The following PHF21A variants were observed in gnomAD, a reference collection of about 807,000 sequenced individuals.
The protein encoded by PHF21A is PHD finger protein 21A.
In PHF21A, 11 loss-of-function variants were observed where a neutral mutation model predicts 82.5. The ratio of observed to expected loss-of-function variants is 0.13; its 90% CI spans 0.08 to 0.22. The LOEUF (loss-of-function observed/expected upper bound fraction) is 0.22, where lower values mean the gene tolerates loss of function less well. PHF21A is among the 10% of genes least tolerant of loss of function. The pLI, the probability that PHF21A is intolerant of heterozygous loss-of-function variation, is 1.00. For synonymous variants in PHF21A, 297 were observed against 302.8 expected (o/e 0.98, Z 0.20); for missense variants, 579 against 837.8 (o/e 0.69, Z 3.81).
rs76273909 is a variant in PHF21A at position 45,973,776 on chromosome 11, A to G, written c.361-2409T>C. ...GATTTAAAGAACTTCTGAAGTGGTG[A>G]TCCAGTCACACCAGATGGCGTTCAA... On this transcript the variant is annotated intron_variant, in intron 7 of 18. Coordinates refer to ENST00000676320, the MANE Select transcript of PHF21A (RefSeq NM_001352027.3). Among the ~76,000 whole-genome samples, 12 of 152,316 alleles carry G rather than the reference A, an allele frequency of 7.9e-5. No individual in the cohort carries two copies. The East Asian group carries it at 2.1e-3, about 27-fold the overall frequency.
intron 10 of PHF21A, among the ~76,000 whole-genome samples, chr11:45,954,338 G>A (rs1448328396): frequency 6.6e-6 from 1 of 152,098 alleles, no homozygotes; most frequent in African/African-American, 2.4e-5. Context: ...CTCACAACCT[G>A]CTTAAGATCA....
intron 6 of PHF21A, among the ~76,000 whole-genome samples, chr11:45,996,071 G>A (rs1020847438): frequency 1.3e-5 from 2 of 152,014 alleles, no homozygotes; most frequent in Non-Finnish European, 2.9e-5. Context: ...AGTCTCCCAA[G>A]TAGCTAGAGC....
intron 14 of PHF21A, among the ~76,000 whole-genome samples, chr11:45,946,322 T>C (rs2091284619): frequency 6.6e-6 from 1 of 152,206 alleles, no homozygotes; most frequent in South Asian, 2.1e-4. Flanking sequence ...CAATTTGAGA[T>C]TTCTAGTGCA....
intron 18 of PHF21A, chr11:45,935,314 C>A (rs2088643521): frequency 1.6e-6 from 2 of 1,214,548 alleles, no homozygotes; most frequent in Admixed American, 4.5e-5. Context: ...CTACACTCCC[C>A]CCACACACTG....
chr11:46,068,681 C>T (rs2096622541), intron 6 of PHF21A, among the ~76,000 whole-genome samples: 2 of 151,980 alleles, frequency 1.3e-5, no homozygotes, highest in African/African-American at 4.8e-5. Flanking sequence ...AAAAAAAATA[C>T]AGTAGATTCC....
intron 6 of PHF21A, among the ~76,000 whole-genome samples, chr11:46,072,535 A>G (rs926824924): frequency 3.9e-5 from 6 of 152,172 alleles, no homozygotes; most frequent in Non-Finnish European, 8.8e-5. Flanking sequence ...GACCTATAGA[A>G]CTTTTAGATG....
chr11:45,958,420 ATAT>A (rs1466581686), intron 10 of PHF21A, among the ~76,000 whole-genome samples: 2 of 15,006 alleles, frequency 1.3e-4, no homozygotes, highest in African/African-American at 1.5e-4. Flanking sequence ...AAAAAAAAAA[ATAT>A]ATATATATAT....
chr11:45,939,345 A>C lies in PHF21A; in HGVS notation c.1453-1033T>G, dbSNP rs141932535. On this transcript the variant is annotated intron_variant, in intron 15 of 18. Coordinates refer to ENST00000676320, the MANE Select transcript of PHF21A (RefSeq NM_001352027.3). ...CTATCAATTCTAGGGGGAGTTTAGA[A>C]GGACTGGGAAAGAAGACAGACAAAT... is the stretch of plus-strand genomic sequence containing the variant. 2.0e-5 allele frequency among the ~76,000 whole-genome samples: 3 copies of C among 152,340 alleles called. No individual in the cohort carries two copies. In the East Asian group the frequency reaches 5.8e-4, roughly 29 times the overall value.
chr11:45,937,474 T>C (rs34359468), intron 16 of PHF21A, among the ~76,000 whole-genome samples: 1 of 152,104 alleles, frequency 6.6e-6, no homozygotes, highest in African/African-American at 2.4e-5. Flanking sequence ...ATGGGTGTTG[T>C]TTTATTATTA....
At chr11:46,074,523 G>C (rs541838731) in intron 6 of PHF21A, among the ~76,000 whole-genome samples, 1 of 152,034 alleles carries the variant, frequency 6.6e-6, no homozygotes, top group East Asian at 1.9e-4. Flanking sequence ...ATTTTTTTGA[G>C]ATGGAGTCTT....
intron 6 of PHF21A, among the ~76,000 whole-genome samples, chr11:46,076,367 C>T (rs982867462): frequency 1.3e-5 from 2 of 152,170 alleles, no homozygotes; most frequent in Non-Finnish European, 2.9e-5. Flanking sequence ...ATTCTCTCCA[C>T]AGTAAGTTTA....
At chr11:46,090,142 T>A (rs2096906979) in intron 3 of PHF21A, among the ~76,000 whole-genome samples, 1 of 151,030 alleles carries the variant, frequency 6.6e-6, no homozygotes. Flanking sequence ...TACACAGAAA[T>A]TGAAAATGGA....
chr11:45,935,620 C>T lies in PHF21A; in HGVS notation c.1788+16G>A. 8 of 1,156,744 alleles carry T rather than the reference C, an allele frequency of 6.9e-6. No individual in the cohort carries two copies. The South Asian group carries it at 8.6e-5, about 12-fold the overall frequency. The allele number at this position is 1,156,744 out of a possible 1,614,324, so 71.7% of individuals were successfully genotyped here. ...GCACCTATGTATCGACTGCTGAAGGCATGAGGTTTACTTACACTTATGGAA... is the reference window on the plus strand; with the variant it reads ...GCACCTATGTATCGACTGCTGAAGGTATGAGGTTTACTTACACTTATGGAA... On this transcript the variant is annotated intron_variant, in intron 18 of 18. Coordinates refer to ENST00000676320, the MANE Select transcript of PHF21A (RefSeq NM_001352027.3).
At chr11:46,023,370 T>G (rs989901466) in intron 6 of PHF21A, among the ~76,000 whole-genome samples, 1 of 152,200 alleles carries the variant, frequency 6.6e-6, no homozygotes, top group Admixed American at 6.5e-5. Flanking sequence ...TAAGAAGTCA[T>G]GAGCAGAAGG....
At chr11:46,098,362 TA>T (rs2097032926) in intron 1 of PHF21A, among the ~76,000 whole-genome samples, 1 of 152,182 alleles carries the variant, frequency 6.6e-6, no homozygotes. Flanking sequence ...CACTAGCTAA[TA>T]AAAGACTTTG....
intron 7 of PHF21A, among the ~76,000 whole-genome samples, chr11:45,977,377 T>C (rs1198691507): frequency 6.6e-6 from 1 of 152,126 alleles, no homozygotes; most frequent in Non-Finnish European, 1.5e-5. Flanking sequence ...CCTAAAGTGA[T>C]CCACCCACCT....
At chr11:46,104,806 ACAG>A (rs2097136163) in intron 1 of PHF21A, among the ~76,000 whole-genome samples, 1 of 152,230 alleles carries the variant, frequency 6.6e-6, no homozygotes, top group Admixed American at 6.5e-5. Context: ...AGTGACCAGC[ACAG>A]TGGTATGCAG....
At chr11:46,029,213 T>C (rs1407442878) in intron 6 of PHF21A, among the ~76,000 whole-genome samples, 2 of 152,208 alleles carry the variant, frequency 1.3e-5, no homozygotes, top group African/African-American at 2.4e-5. Context: ...GAAATGCTCT[T>C]TCACTGATTA....
chr11:45,964,293 T>C (rs1166591093), intron 10 of PHF21A, among the ~76,000 whole-genome samples: 2 of 151,806 alleles, frequency 1.3e-5, no homozygotes, highest in Admixed American at 6.6e-5. Flanking sequence ...TCCCCAGGAA[T>C]TGAGATGTGT....
Sources: gnomAD v4.1 joint callset for allele counts (sites outside exome capture counted in the v4.1 genomes callset) on GRCh38, gnomAD v4.1.1 for gene constraint, MANE v1.5 for transcripts, NCBI Gene and HGNC (gene_info 2026-07-23, HGNC 2026-07-21) for gene names.